Variants in ATP1A1 observed in about 807,000 individuals in gnomAD.
The protein encoded by ATP1A1 is sodium/potassium-transporting ATPase subunit alpha-1.
ATP1A1 carries 14 observed loss-of-function variants against 114.8 expected under a neutral mutation model. The observed-to-expected ratio is 0.12, with a 90% CI of 0.08 to 0.19. The LOEUF is 0.19. Ranked by LOEUF, ATP1A1 falls within the 10% of genes least tolerant of loss-of-function variation. ATP1A1 has a pLI of 1.00. For missense variants in ATP1A1, 524 were observed against 1,290.7 expected (o/e 0.41, Z 9.10); for synonymous variants, 471 against 466.3 (o/e 1.01, Z -0.13).
intron 18 of ATP1A1, among the ~76,000 whole-genome samples, chr1:116,400,543 C>T (rs1488993082): frequency 6.6e-6 from 1 of 152,146 alleles, no homozygotes; most frequent in Non-Finnish European, 1.5e-5. Flanking sequence ...TGGATTTCCC[C>T]TAAAGGTCAT....
chr1:116,395,333 A>G lies in ATP1A1; in HGVS notation c.1836+48A>G. On this transcript the variant is annotated intron_variant, in intron 13 of 22. Coordinates refer to ENST00000295598, the MANE Select transcript of ATP1A1 (RefSeq NM_000701.8). This position sits in a 1 kb window ranked among gnomAD's most constrained non-coding sequence, Gnocchi z 6.4. ...GCTTCATCTCTTAGTGCCTTGGGACACCCTACTCAGTGAATGTTGCCTTTT... is the reference window on the plus strand; with the variant it reads ...GCTTCATCTCTTAGTGCCTTGGGACGCCCTACTCAGTGAATGTTGCCTTTT... The G allele has an allele frequency of 6.3e-7, 1 of 1,591,662 alleles. No homozygotes were observed. The highest frequency in any genetic ancestry group is 8.6e-7 in the Non-Finnish European group (1 of 1,169,102).
chr1:116,383,389 G>T, intron 1 of ATP1A1: 1 of 997,654 alleles, frequency 1.0e-6, no homozygotes, highest in South Asian at 3.4e-5. Flanking sequence ...TAATGTCTTT[G>T]CAAAGCAAAG....
In ATP1A1 at chr1:116,398,502, T is replaced by C. The variant is rs969064587; in HGVS notation, c.2125-119T>C. ...TGTGACGGTTCTCAGGCTTCATAAA[T>C]AGTCTCAATAGGAAAGGAGCAGTGT... On this transcript the variant is annotated intron_variant, in intron 15 of 22. Coordinates refer to ENST00000295598, the MANE Select transcript of ATP1A1 (RefSeq NM_000701.8). The surrounding 1 kb of genome is among the most constrained non-coding windows in gnomAD (Gnocchi z 6.1). The C allele has an allele frequency of 1.6e-6, 2 of 1,278,962 alleles. No homozygotes were observed. Among genetic ancestry groups the C allele is most frequent in the African/African-American group, 3.0e-5 (2 of 66,920 alleles). The allele number at this position is 1,278,962 out of a possible 1,614,324, so 79.2% of individuals were successfully genotyped here.
chr1:116,393,942 G>A lies in ATP1A1; in HGVS notation c.1660+219G>A, dbSNP rs559305181. Among the ~76,000 whole-genome samples the A allele has an allele frequency of 1.1e-4, 16 of 152,202 alleles. No homozygotes were observed. The highest frequency in any genetic ancestry group is 1.0e-3 in the South Asian group (5 of 4,810). On this transcript the variant is annotated intron_variant, in intron 12 of 22. Coordinates refer to ENST00000295598, the MANE Select transcript of ATP1A1 (RefSeq NM_000701.8). The surrounding 1 kb of genome is among the most constrained non-coding windows in gnomAD (Gnocchi z 5.0). ...AGCGTATTGGGCTGTGAGAAACAAC[G>A]TCCTGATGGTTTGCTTCTGACTTGT...
chr1:116,401,031 C>T lies in ATP1A1; in HGVS notation c.2718+25C>T. ...GGTGAGTGGGCACCTCTGACCTGAC[C>T]AGTGTCAGAGCTCCTCAAGCCCCAG... On this transcript the variant is annotated intron_variant, in intron 19 of 22. Coordinates refer to ENST00000295598, the MANE Select transcript of ATP1A1 (RefSeq NM_000701.8). This position sits in a 1 kb window ranked among gnomAD's most constrained non-coding sequence, Gnocchi z 4.7. 6.2e-7 allele frequency: 1 copy of T among 1,613,814 alleles called. No homozygotes were observed. The highest frequency in any genetic ancestry group is 1.1e-5 in the South Asian group (1 of 91,068).
In ATP1A1 at chr1:116,401,231, G is replaced by A. The variant is rs1570980614; in HGVS notation, c.2820G>A (p.Arg940=). The A allele has an allele frequency of 6.2e-7, 1 of 1,614,226 alleles. No homozygotes were observed. The highest frequency in any genetic ancestry group is 1.7e-5 in the Admixed American group (1 of 60,028). Reference sequence around the variant, plus strand: ...CCGACTTGGTCATCTGTAAGACCAGGAGGAATTCGGTCTTCCAGCAGGGGA... The same window carrying A: ...CCGACTTGGTCATCTGTAAGACCAGAAGGAATTCGGTCTTCCAGCAGGGGA... The part of the protein sequence containing the change: ...QWADLVICKT[R]RNSVFQQGMK... Residue 940 remains arginine (R), a synonymous_variant, in exon 20 of 23, where the codon AGG becomes AGA. Coordinates refer to ENST00000295598, the MANE Select transcript of ATP1A1 (RefSeq NM_000701.8). The surrounding 1 kb of genome is among the most constrained non-coding windows in gnomAD (Gnocchi z 4.7).
chr1:116,374,325 G>T, intron 1 of ATP1A1: 1 of 1,545,958 alleles, frequency 6.5e-7, no homozygotes, highest in Non-Finnish European at 8.8e-7. Flanking sequence ...CCGATGGTGG[G>T]GAGAGGCGTG....
At chr1:116,400,802 G>T in intron 18 of ATP1A1, 59 bp from the exon 19 acceptor site, 1 of 1,596,126 alleles carries the variant, frequency 6.3e-7, no homozygotes, top group Non-Finnish European at 8.5e-7. Flanking sequence ...ATCAGCTGAA[G>T]GCTATACAGG....
At chr1:116,391,285 A>G (rs1450281194) in intron 10 of ATP1A1, among the ~76,000 whole-genome samples, 1 of 152,246 alleles carries the variant, frequency 6.6e-6, no homozygotes, top group Non-Finnish European at 1.5e-5. Flanking sequence ...GTATTTGCAT[A>G]TTAGGATACA....
chr1:116,399,876 AC>A lies in ATP1A1; in HGVS notation c.2572+334del, dbSNP rs975207630. On this transcript the variant is annotated intron_variant, in intron 18 of 22. Transcript: ENST00000295598. This position sits in a 1 kb window ranked among gnomAD's most constrained non-coding sequence, Gnocchi z 5.0. ...TGGTTCTAAGGAATTGTGTGTACTGACGCACAGGCTGCTTTCCCTGGAGATA... is the reference window on the plus strand; with the variant it reads ...TGGTTCTAAGGAATTGTGTGTACTGAGCACAGGCTGCTTTCCCTGGAGATA... 1.3e-5 allele frequency among the ~76,000 whole-genome samples: 2 copies of A among 152,204 alleles called. No homozygotes were observed. The highest frequency in any genetic ancestry group is 2.9e-5 in the Non-Finnish European group (2 of 68,034).
At position 116,401,706 on chromosome 1, in the gene ATP1A1, T is replaced by C. The variant is rs779922318; in HGVS notation, c.2951+51T>C. ...AAAAGTATGAAATAGTATGTGTGGC[T>C]TTTCCCCCCATTACTTGTGGTAATA... is the stretch of plus-strand genomic sequence containing the variant. On this transcript the variant is annotated intron_variant, in intron 21 of 22. Coordinates refer to ENST00000295598, the MANE Select transcript of ATP1A1 (RefSeq NM_000701.8). This position sits in a 1 kb window ranked among gnomAD's most constrained non-coding sequence, Gnocchi z 4.7. 3.3e-6 allele frequency: 5 copies of C among 1,537,344 alleles called. No individual in the cohort carries two copies. The East Asian group carries it at 9.0e-5, about 28-fold the overall frequency.
In ATP1A1 at chr1:116,401,360, G is replaced by T; in HGVS notation, c.2849+100G>T. 6.4e-7 allele frequency: 1 copy of T among 1,572,652 alleles called. No individual in the cohort carries two copies. Among genetic ancestry groups the T allele is most frequent in the Non-Finnish European group, 8.7e-7 (1 of 1,155,094 alleles). On this transcript the variant is annotated intron_variant, in intron 20 of 22. Coordinates refer to ENST00000295598, the MANE Select transcript of ATP1A1 (RefSeq NM_000701.8). This position sits in a 1 kb window ranked among gnomAD's most constrained non-coding sequence, Gnocchi z 4.7. Reference sequence around the variant, plus strand: ...CTAAACATATGACACATATAGCCAGGTTTCTGGAATCTCTAGTTTATAGAG... The same window carrying T: ...CTAAACATATGACACATATAGCCAGTTTTCTGGAATCTCTAGTTTATAGAG...
In ATP1A1 at chr1:116,390,215, C is replaced by G. The variant is rs1169068214; in HGVS notation, c.1026C>G (p.Val342=). Residue 342 remains valine (V), a splice_region_variant and synonymous_variant, in exon 9 of 23, where the codon GTC becomes GTG. Coordinates refer to ENST00000295598, the MANE Select transcript of ATP1A1 (RefSeq NM_000701.8). ...VPEGLLATVT[V]CLTLTAKRMA... is the part of the protein sequence containing the mutation. The stretch of plus-strand genomic sequence containing the variant: ...ATAATCTTCCTAATATTTTTTAGGT[C>G]TGTCTGACACTTACTGCCAAACGCA... 2 of 1,613,786 alleles carry G rather than the reference C, an allele frequency of 1.2e-6. No individual in the cohort carries two copies. Among genetic ancestry groups the G allele is most frequent in the African/African-American group, 2.7e-5 (2 of 74,890 alleles).
chr1:116,390,991 G>T, intron 10 of ATP1A1, 100 bp downstream of exon 10: 3 of 1,014,980 alleles, frequency 3.0e-6, no homozygotes, highest in Non-Finnish European at 4.6e-6. Context: ...CTGTGTGACT[G>T]TTCACTGTAG....
In ATP1A1 at chr1:116,401,056, G is replaced by A; in HGVS notation, c.2718+50G>A. 6.2e-7 allele frequency: 1 copy of A among 1,612,716 alleles called. No homozygotes were observed. Among genetic ancestry groups the A allele is most frequent in the Non-Finnish European group, 8.5e-7 (1 of 1,178,722 alleles). On this transcript the variant is annotated intron_variant, in intron 19 of 22. Transcript: ENST00000295598. This position sits in a 1 kb window ranked among gnomAD's most constrained non-coding sequence, Gnocchi z 4.7. ...CAGTGTCAGAGCTCCTCAAGCCCCA[G>A]AAGACTGAGGCCACACTGCCACCAG...
chr1:116,386,424 G>A (rs1652099313), intron 3 of ATP1A1, among the ~76,000 whole-genome samples: 2 of 152,148 alleles, frequency 1.3e-5, no homozygotes, highest in South Asian at 4.1e-4. Context: ...AAAAAGGATT[G>A]TCATGAGAAT....
Position 116,395,256 on chromosome 1 carries a change from G to T in ATP1A1, c.1807G>T (p.Val603Leu). ...TCCACGGGCGGCCGTTCCTGATGCC[G>T]TGGGCAAATGTCGAAGTGCTGGAAT... ...DPPRAAVPDAVGKCRSAGIKV... is the reference protein window; with the variant it reads ...DPPRAAVPDALGKCRSAGIKV... The change falls in exon 13 of 23, where the codon GTG becomes TTG. Residue 603 changes from valine (V) to leucine (L), a missense_variant. By Grantham distance (32) the Val-to-Leu change is conservative. Around this residue, in one of 8 missense-constraint regions of ATP1A1, gnomAD observed 12 missense variants for 63.1 expected, o/e 0.19. Coordinates refer to ENST00000295598, the MANE Select transcript of ATP1A1 (RefSeq NM_000701.8). This position sits in a 1 kb window ranked among gnomAD's most constrained non-coding sequence, Gnocchi z 6.4. The T allele has an allele frequency of 6.2e-7, 1 of 1,614,022 alleles. No individual in the cohort carries two copies. Among genetic ancestry groups the T allele is most frequent in the Non-Finnish European group, 8.5e-7 (1 of 1,179,960 alleles).
Position 116,397,977 on chromosome 1 carries a change from T to C in ATP1A1, c.2063T>C (p.Ile688Thr). The change falls in exon 15 of 23, where the codon ATA (isoleucine) becomes ACA (threonine). Residue 688 changes from isoleucine (I) to threonine (T), a missense_variant. Coordinates refer to ENST00000295598, the MANE Select transcript of ATP1A1 (RefSeq NM_000701.8). The surrounding 1 kb of genome is among the most constrained non-coding windows in gnomAD (Gnocchi z 4.2). ...GACATTTTGAAGTACCACACTGAGA[T>C]AGTGTTTGCCAGGACCTCCCCTCAG... ...LDDILKYHTE[I>T]VFARTSPQQK... is the part of the protein sequence containing the mutation. 1.9e-6 allele frequency: 3 copies of C among 1,613,744 alleles called. No individual in the cohort carries two copies. Among genetic ancestry groups the C allele is most frequent in the Non-Finnish European group, 1.7e-6 (2 of 1,179,988 alleles).
Position 116,401,408 on chromosome 1 carries a change from T to C in ATP1A1, c.2850-146T>C, listed in dbSNP as rs1258822133. 3 of 1,473,578 alleles carry C rather than the reference T, an allele frequency of 2.0e-6. No individual in the cohort carries two copies. The highest frequency in any genetic ancestry group is 2.8e-6 in the Non-Finnish European group (3 of 1,084,228). The allele number at this position is 1,473,578 out of a possible 1,614,324, so 91.3% of individuals were successfully genotyped here. ...GAGCAAATTTAGGAAGCAAGAAATG[T>C]AGCTTTCTAGTTTTTTCATCTGACC... is the stretch of plus-strand genomic sequence containing the variant. On this transcript the variant is annotated intron_variant, in intron 20 of 22. Coordinates refer to ENST00000295598, the MANE Select transcript of ATP1A1 (RefSeq NM_000701.8). This position sits in a 1 kb window ranked among gnomAD's most constrained non-coding sequence, Gnocchi z 4.7.
Sources: gnomAD v4.1 joint callset for allele counts (sites outside exome capture counted in the v4.1 genomes callset) on GRCh38, gnomAD v4.1.1 for gene constraint, gnomAD v4.1.1 regional missense constraint, Gnocchi (gnomAD v3.1) non-coding constraint, MANE v1.5 for transcripts, NCBI Gene and HGNC (gene_info 2026-07-23, HGNC 2026-07-21) for gene names.